The following MAVS variants were observed in gnomAD, a reference collection of about 807,000 sequenced individuals.
MAVS encodes mitochondrial antiviral signaling protein.
MAVS carries 20 observed loss-of-function variants against 30.2 expected under a neutral mutation model. The ratio of observed to expected loss-of-function variants is 0.66; its 90% confidence interval spans 0.47 to 0.96. MAVS has a LOEUF of 0.96. Ranked by LOEUF, MAVS falls within the 40% of genes least tolerant of loss-of-function variation. The pLI, the probability that MAVS is intolerant of heterozygous loss-of-function variation, is 0.00. For missense variants in MAVS, 624 were observed against 701.1 expected (o/e 0.89, Z 1.24); for synonymous variants, 278 against 293.9 (o/e 0.95, Z 0.55).
chr20:3,862,371 C>T lies in MAVS; in HGVS notation c.583C>T (p.His195Tyr). ...CCTCAGCCCTCTGACCTCCAGCGGG[C>T]ATCAGGAGCAGGACACAGAACTGGG... ...AALSPLTSSG[H>Y]QEQDTELGST... Residue 195 changes from histidine (H) to tyrosine (Y), a missense_variant, in exon 5 of 7, where the codon CAT (histidine) becomes TAT (tyrosine). Transcript: ENST00000428216. 1 of 1,614,108 alleles carries T rather than the reference C, an allele frequency of 6.2e-7. No homozygotes were observed. Among genetic ancestry groups the T allele is most frequent in the Middle Eastern group, 1.6e-4 (1 of 6,062 alleles).
rs892216120 is a variant in MAVS, at chr20:3,869,388, T to G, written c.*3241T>G. ...CGGGGTTTCACTGTGTTAGCCAGGA[T>G]GGTCTCGATCTCCTGACCTTGTGAT... On this transcript the variant is annotated 3_prime_UTR_variant, in exon 7 of 7. Transcript: ENST00000428216. 6.6e-6 allele frequency: 1 copy of G among 151,982 alleles called. No homozygotes were observed. The highest frequency in any genetic ancestry group is 6.6e-5 in the Admixed American group (1 of 15,252). The allele number at this position is 151,982 out of a possible 1,614,324, so 9.4% of individuals were successfully genotyped here.
In MAVS at chr20:3,865,879, G is replaced by A; in HGVS notation, c.1355G>A (p.Cys452Tyr). 1 of 1,614,058 alleles carries A rather than the reference G, an allele frequency of 6.2e-7. No individual in the cohort carries two copies. Residue 452 changes from cysteine to tyrosine, a missense_variant, in exon 7 of 7, where the codon TGC becomes TAC. Physicochemically the swap from Cys to Tyr is radical, Grantham distance 194 (BLOSUM62 -2). Coordinates refer to ENST00000428216, the MANE Select transcript of MAVS (RefSeq NM_020746.5). The surrounding 1 kb of genome is among the most constrained non-coding windows in gnomAD (Gnocchi z 4.7). ...SASTSLGMGP[C>Y]HGPEENEYKS... ...AGCACCTCCTTGGGCATGGGGCCCT[G>A]CCATGGCCCAGAGGAGAATGAGTAT...
In MAVS at chr20:3,865,828, G is replaced by C. The variant is rs747595870; in HGVS notation, c.1304G>C (p.Cys435Ser). Reference protein sequence around the residue: ...ASQVDSPFSGCFEDLAISAST... With the variant: ...ASQVDSPFSGSFEDLAISAST... ...CAGGTAGACAGCCCGTTCTCGGGCT[G>C]CTTCGAGGATCTTGCCATCAGTGCC... Residue 435 changes from cysteine (C) to serine (S), a missense_variant, in exon 7 of 7, where the codon TGC becomes TCC. Coordinates refer to ENST00000428216, the MANE Select transcript of MAVS (RefSeq NM_020746.5). This position sits in a 1 kb window ranked among gnomAD's most constrained non-coding sequence, Gnocchi z 4.7. The C allele has an allele frequency of 7.0e-5, 113 of 1,613,912 alleles. No individual in the cohort carries two copies. The South Asian group carries it at 1.2e-3, about 17-fold the overall frequency.
rs1258114907 is a variant in MAVS, at chr20:3,874,475, A to C, written c.*8328A>C. On this transcript the variant is annotated 3_prime_UTR_variant, in exon 7 of 7. Transcript: ENST00000428216. Reference sequence around the variant, plus strand: ...CTTGTATTTGGCAGGGGTCAAAGGCAGGCAGGGACTGTGAAATGTTATAGT... The same window carrying C: ...CTTGTATTTGGCAGGGGTCAAAGGCCGGCAGGGACTGTGAAATGTTATAGT... The C allele has an allele frequency of 2.7e-6, 1 of 366,624 alleles. No homozygotes were observed. Among genetic ancestry groups the C allele is most frequent in the Non-Finnish European group, 4.9e-6 (1 of 205,648 alleles). The allele number at this position is 366,624 out of a possible 1,614,324, so 22.7% of individuals were successfully genotyped here.
In MAVS at chr20:3,864,626, C is replaced by T. The variant is rs747007412; in HGVS notation, c.996C>T (p.Pro332=). ...CCAAGTTGCCAACTAGCTCAAAGCC[C>T]CCTGGTGCAGTGCCTTCTAATGCGC... ...VPSKLPTSSK[P]PGAVPSNALT... Residue 332 remains proline, a synonymous_variant, in exon 6 of 7, where the codon CCC becomes CCT. Coordinates refer to ENST00000428216, the MANE Select transcript of MAVS (RefSeq NM_020746.5). The T allele has an allele frequency of 8.7e-6, 14 of 1,614,206 alleles. No individual in the cohort carries two copies. Among genetic ancestry groups the T allele is most frequent in the Non-Finnish European group, 8.5e-6 (10 of 1,180,034 alleles).
chr20:3,848,298 C>T lies in MAVS; in HGVS notation c.-68+1395C>T, dbSNP rs149779264. On this transcript the variant is annotated intron_variant, in intron 1 of 6. Coordinates refer to ENST00000428216, the MANE Select transcript of MAVS (RefSeq NM_020746.5). ...ATTTTTAGTAGAGACGGGGTTTCAC[C>T]ATGTTGGCCAGGCTGGTCTCAAACT... Among the ~76,000 whole-genome samples, 1,507 of 152,218 alleles carry T rather than the reference C, an allele frequency of 9.9e-3. 16 individuals are homozygous for T. The highest frequency in any genetic ancestry group is 0.012 in the South Asian group (58 of 4,812).
intron 1 of MAVS, among the ~76,000 whole-genome samples, chr20:3,849,985 A>C (rs965747950): frequency 6.6e-6 from 1 of 152,188 alleles, no homozygotes; most frequent in Non-Finnish European, 1.5e-5. Context: ...GGCACTTAAA[A>C]ATTTTTAAGC....
At chr20:3,850,885 C>CAA (rs35643330) in intron 1 of MAVS, among the ~76,000 whole-genome samples, 9 of 93,424 alleles carry the variant, frequency 9.6e-5, no homozygotes, top group South Asian at 3.3e-4. Flanking sequence ...AACTCCGTCT[C>CAA]AAAAAAAAAA....
At chr20:3,850,950 C>G (rs1393719112) in intron 1 of MAVS, among the ~76,000 whole-genome samples, 1 of 151,252 alleles carries the variant, frequency 6.6e-6, no homozygotes, top group Admixed American at 6.6e-5. Flanking sequence ...CTGTGCAGGC[C>G]AAGGCAAGAG....
chr20:3,850,260 G>A (rs2089746751), intron 1 of MAVS, among the ~76,000 whole-genome samples: 1 of 116,694 alleles, frequency 8.6e-6, no homozygotes, highest in Admixed American at 1.0e-4. Flanking sequence ...CTGGGTGAAG[G>A]AGCGAGACTG....
At chr20:3,848,565 C>T (rs931476940) in intron 1 of MAVS, among the ~76,000 whole-genome samples, 7 of 152,208 alleles carry the variant, frequency 4.6e-5, no homozygotes, top group Admixed American at 4.6e-4. Flanking sequence ...GCATGTGAGG[C>T]TCTGAGGCCA....
chr20:3,849,761 G>A (rs2089742054), intron 1 of MAVS, among the ~76,000 whole-genome samples: 1 of 152,072 alleles, frequency 6.6e-6, no homozygotes, highest in Non-Finnish European at 1.5e-5. Flanking sequence ...AGCCTTTATT[G>A]CTATCTGGAA....
chr20:3,858,015 A>G lies in MAVS; in HGVS notation c.292+206A>G, dbSNP rs1910800751. Reference sequence around the variant, plus strand: ...AAGTCCCTTAATTTCCCTGAGCCTCAGGCCTCTCTTCTGTAAAATGAAGCT... The same window carrying G: ...AAGTCCCTTAATTTCCCTGAGCCTCGGGCCTCTCTTCTGTAAAATGAAGCT... On this transcript the variant is annotated intron_variant, in intron 3 of 6. Coordinates refer to ENST00000428216, the MANE Select transcript of MAVS (RefSeq NM_020746.5). 4.8e-6 allele frequency: 3 copies of G among 620,520 alleles called. No homozygotes were observed. In the Admixed American group the frequency reaches 7.5e-5, roughly 15 times the overall value. The allele number at this position is 620,520 out of a possible 1,614,324, so 38.4% of individuals were successfully genotyped here. A position where few individuals can be genotyped will look rare whatever the true frequency, so the allele number is the denominator to read the frequency against.
chr20:3,859,533 G>A (rs1279374396), intron 3 of MAVS, among the ~76,000 whole-genome samples: 3 of 149,974 alleles, frequency 2.0e-5, no homozygotes, highest in Non-Finnish European at 4.4e-5. Context: ...CAAAAATAGT[G>A]ATCCCCTGAA....
intron 1 of MAVS, among the ~76,000 whole-genome samples, chr20:3,853,987 G>A (rs572106088): frequency 2.1e-5 from 3 of 142,326 alleles, no homozygotes; most frequent in Admixed American, 7.5e-5. Flanking sequence ...TAGTAGAGAC[G>A]GGATTTTCTC....
rs867654661 is a variant in MAVS at position 3,849,424 on chromosome 20, C to T, written c.-68+2521C>T. Among the ~76,000 whole-genome samples, 14 of 152,208 alleles carry T rather than the reference C, an allele frequency of 9.2e-5. No homozygotes were observed. In the South Asian group the frequency reaches 1.0e-3, roughly 11 times the overall value. ...TTCACCATGTTGGCGAGGCTGGTCT[C>T]AACCTCCTGAGCTCAGGTGATCCAC... On this transcript the variant is annotated intron_variant, in intron 1 of 6. Transcript: ENST00000428216.
intron 5 of MAVS, among the ~76,000 whole-genome samples, chr20:3,863,097 C>T (rs2089878958): frequency 6.6e-6 from 1 of 152,156 alleles, no homozygotes; most frequent in South Asian, 2.1e-4. Context: ...CAGTGAAGGG[C>T]TGCATCAGCT....
At chr20:3,854,802 T>C in intron 2 of MAVS, 61 bp downstream of exon 2, 1 of 1,220,728 alleles carries the variant, frequency 8.2e-7, no homozygotes, top group Non-Finnish European at 1.2e-6. Context: ...AATTCAAAGC[T>C]CAGCCCCATC....
intron 2 of MAVS, among the ~76,000 whole-genome samples, chr20:3,854,996 T>G (rs189597273): frequency 5.3e-4 from 80 of 151,788 alleles, no homozygotes; most frequent in Non-Finnish European, 8.1e-4. Flanking sequence ...GTTCAAGTGA[T>G]TCTCCTGCCT....
Sources: gnomAD v4.1 joint callset for allele counts (sites outside exome capture counted in the v4.1 genomes callset) on GRCh38, gnomAD v4.1.1 for gene constraint, Gnocchi (gnomAD v3.1) non-coding constraint, MANE v1.5 for transcripts, NCBI Gene and HGNC (gene_info 2026-07-23, HGNC 2026-07-21) for gene names.